The following EBF3 variants were observed in gnomAD, a reference collection of about 807,000 sequenced individuals.
The protein encoded by EBF3 is transcription factor COE3.
EBF3 carries 18 observed loss-of-function variants against 77.1 expected under a neutral mutation model. That is an observed-to-expected ratio of 0.23 (90% CI 0.16 to 0.35). EBF3 has a LOEUF of 0.35. Among genes scored for constraint, EBF3 ranks in the 10% least tolerant of loss-of-function variants. EBF3 has a pLI of 1.00. For missense variants in EBF3, 558 were observed against 860.0 expected (o/e 0.65, Z 4.39); for synonymous variants, 350 against 343.5 (o/e 1.02, Z -0.21).
At chr10:129,901,036 T>C (rs1039986077) in intron 6 of EBF3, among the ~76,000 whole-genome samples, 4 of 152,204 alleles carry the variant, frequency 2.6e-5, no homozygotes, top group African/African-American at 9.7e-5. Context: ...TTCTTTGGGC[T>C]GGTAAGTCTT....
rs1590057365 is a variant in EBF3, at chr10:129,848,564, G to A, written c.1040-84C>T. 5.6e-6 allele frequency: 8 copies of A among 1,417,640 alleles called. No homozygotes were observed. The East Asian group carries it at 1.8e-4, about 32-fold the overall frequency. The allele number at this position is 1,417,640 out of a possible 1,614,324, so 87.8% of individuals were successfully genotyped here. A position where few individuals can be genotyped will look rare whatever the true frequency, so the allele number is the denominator to read the frequency against. ...GTTTATTGCACACTTACAAATAAATGTGTAGTTCTCCTGCTCTGATGCTCT... is the reference window on the plus strand; with the variant it reads ...GTTTATTGCACACTTACAAATAAATATGTAGTTCTCCTGCTCTGATGCTCT... On this transcript the variant is annotated intron_variant, in intron 10 of 16. Coordinates refer to ENST00000440978, the MANE Select transcript of EBF3 (RefSeq NM_001375380.1). The surrounding 1 kb of genome is among the most constrained non-coding windows in gnomAD (Gnocchi z 4.4).
chr10:129,888,229 T>C (rs995389668), intron 6 of EBF3, among the ~76,000 whole-genome samples: 1 of 152,222 alleles, frequency 6.6e-6, no homozygotes, highest in South Asian at 2.1e-4. Flanking sequence ...CTCCGCCTTC[T>C]GGACCTGAAC....
intron 8 of EBF3, among the ~76,000 whole-genome samples, chr10:129,869,625 G>A (rs1852274323): frequency 6.6e-6 from 1 of 152,244 alleles, no homozygotes; most frequent in Admixed American, 6.5e-5. Context: ...TGACAGGTCA[G>A]AGGCAGCGCC....
chr10:129,952,403 TA>T lies in EBF3; in HGVS notation c.554+4854del, dbSNP rs1160852547. On this transcript the variant is annotated intron_variant, in intron 6 of 16. Coordinates refer to ENST00000440978, the MANE Select transcript of EBF3 (RefSeq NM_001375380.1). This position sits in a 1 kb window ranked among gnomAD's most constrained non-coding sequence, Gnocchi z 4.7. ...TCCCTAAATGATGTGTAATTAATAT[TA>T]TTTTTAAAATCCTCCTTGACAGGCC... 2.6e-5 allele frequency among the ~76,000 whole-genome samples: 4 copies of T among 152,254 alleles called. No homozygotes were observed. Among genetic ancestry groups the T allele is most frequent in the African/African-American group, 2.4e-5 (1 of 41,472 alleles).
chr10:129,891,877 T>C (rs1854041185), intron 6 of EBF3, among the ~76,000 whole-genome samples: 1 of 152,136 alleles, frequency 6.6e-6, no homozygotes, highest in Non-Finnish European at 1.5e-5. Flanking sequence ...AGTTCAGAAA[T>C]ATCTAAAAGT....
At chr10:129,902,670 T>A (rs192389618) in intron 6 of EBF3, among the ~76,000 whole-genome samples, 1 of 152,346 alleles carries the variant, frequency 6.6e-6, no homozygotes, top group East Asian at 1.9e-4. Flanking sequence ...GAGCAACAAC[T>A]GTTAGCTTGT....
At chr10:129,840,524 C>A (rs1041095010) in intron 14 of EBF3, 82 bp from the exon 15 acceptor site, 1 of 1,457,322 alleles carries the variant, frequency 6.9e-7, no homozygotes, top group East Asian at 2.5e-5. Context: ...TCGCCTCGGA[C>A]GGGGGGGCAG....
intron 4 of EBF3, among the ~76,000 whole-genome samples, chr10:129,960,666 G>C (rs1859439038): frequency 7.1e-6 from 1 of 141,352 alleles, no homozygotes; most frequent in South Asian, 2.2e-4. Context: ...ATGCCCGTCA[G>C]TGAGAGGAGA....
intron 6 of EBF3, among the ~76,000 whole-genome samples, chr10:129,929,195 T>C (rs956000629): frequency 6.6e-6 from 1 of 152,136 alleles, no homozygotes; most frequent in African/African-American, 2.4e-5. Context: ...TTATTTTTTA[T>C]CTTTATTTTT....
At position 129,841,181 on chromosome 10, in the gene EBF3, G is replaced by T; in HGVS notation, c.1373-149C>A. On this transcript the variant is annotated intron_variant, in intron 13 of 16. Coordinates refer to ENST00000440978, the MANE Select transcript of EBF3 (RefSeq NM_001375380.1). This position sits in a 1 kb window ranked among gnomAD's most constrained non-coding sequence, Gnocchi z 4.6. ...TCTAGCGCCTGCTGCCAGCTCGGAT[G>T]ACCTTATCACGCCAACCCTGCTGCC... is the stretch of plus-strand genomic sequence containing the variant. The T allele has an allele frequency of 9.1e-7, 1 of 1,097,148 alleles. No homozygotes were observed. The highest frequency in any genetic ancestry group is 1.3e-6 in the Non-Finnish European group (1 of 785,506). 68.0% of individuals were successfully genotyped at this position (1,097,148 alleles called of 1,614,324 possible).
intron 10 of EBF3, among the ~76,000 whole-genome samples, chr10:129,862,328 G>A (rs572801870): frequency 2.2e-4 from 34 of 152,186 alleles, no homozygotes; most frequent in African/African-American, 7.7e-4. Context: ...GGCTGGGAGC[G>A]GTCCAGGTAT....
intron 8 of EBF3, among the ~76,000 whole-genome samples, chr10:129,871,900 GAAAC>G (rs762692895): frequency 2.6e-4 from 40 of 152,152 alleles, no homozygotes; most frequent in Admixed American, 1.4e-3. Context: ...TAAATGTCGA[GAAAC>G]AAACAGGAAA....
intron 6 of EBF3, among the ~76,000 whole-genome samples, chr10:129,904,609 CGGAT>C (rs1407435561): frequency 3.4e-5 from 5 of 148,000 alleles, no homozygotes; most frequent in African/African-American, 1.3e-4. Context: ...GATGGATAGA[CGGAT>C]GGCTGGATGG....
chr10:129,941,572 CA>C (rs1229605728), intron 6 of EBF3, among the ~76,000 whole-genome samples: 2 of 151,972 alleles, frequency 1.3e-5, no homozygotes, highest in African/African-American at 2.4e-5. Flanking sequence ...GCCAAAGGGT[CA>C]GGGGGGAGCC....
At chr10:129,913,971 T>C (rs112348832) in intron 6 of EBF3, among the ~76,000 whole-genome samples, 5 of 152,384 alleles carry the variant, frequency 3.3e-5, no homozygotes, top group South Asian at 4.1e-4. Context: ...TGGATGACCA[T>C]GGTCTCTCGT....
chr10:129,963,027 T>C lies in EBF3; in HGVS notation c.292-22A>G. ...GCTCCTGAAAGTAACGATAAATAATTGCATTTAGTGCGATCGGTGTCAGGC... is the reference window on the plus strand; with the variant it reads ...GCTCCTGAAAGTAACGATAAATAATCGCATTTAGTGCGATCGGTGTCAGGC... On this transcript the variant is annotated intron_variant, in intron 2 of 16. Coordinates refer to ENST00000440978, the MANE Select transcript of EBF3 (RefSeq NM_001375380.1). This position sits in a 1 kb window ranked among gnomAD's most constrained non-coding sequence, Gnocchi z 7.1. The C allele has an allele frequency of 2.5e-6, 4 of 1,614,064 alleles. No individual in the cohort carries two copies. The highest frequency in any genetic ancestry group is 3.4e-6 in the Non-Finnish European group (4 of 1,179,950).
chr10:129,932,602 G>A (rs981133012), intron 6 of EBF3, among the ~76,000 whole-genome samples: 3 of 152,248 alleles, frequency 2.0e-5, no homozygotes, highest in Non-Finnish European at 4.4e-5. Context: ...GGGGCACATG[G>A]TGTATGTAGC....
At position 129,842,913 on chromosome 10, in the gene EBF3, C is replaced by G. The variant is rs370250206; in HGVS notation, c.1194+224G>C. Among the ~76,000 whole-genome samples, 1 of 115,120 alleles carries G rather than the reference C, an allele frequency of 8.7e-6. No individual in the cohort carries two copies. Among genetic ancestry groups the G allele is most frequent in the South Asian group, 3.1e-4 (1 of 3,216 alleles). The allele number at this position is 115,120 out of a possible 152,430, so 75.5% of individuals were successfully genotyped here. ...GATGGGTTTCAAGGCTGTGCACTCC[C>G]GCTGTGACAAGTTTTTTCTGCTTTT... On this transcript the variant is annotated intron_variant, in intron 12 of 16. Coordinates refer to ENST00000440978, the MANE Select transcript of EBF3 (RefSeq NM_001375380.1). This position sits in a 1 kb window ranked among gnomAD's most constrained non-coding sequence, Gnocchi z 4.4.
rs564506491 is a variant in EBF3 at position 129,840,103 on chromosome 10, G to A, written c.1759+142C>T. ...GTCCTCGCTGTGAACACCAGGCAGA[G>A]GTGGCACGCATCAAGGTGGGCCACG... On this transcript the variant is annotated intron_variant, in intron 15 of 16. Transcript: ENST00000440978. 14 of 1,053,970 alleles carry A rather than the reference G, an allele frequency of 1.3e-5. No homozygotes were observed. The African/African-American group carries it at 2.1e-4, about 16-fold the overall frequency. The allele number at this position is 1,053,970 out of a possible 1,614,324, so 65.3% of individuals were successfully genotyped here.
Sources: gnomAD v4.1 joint callset for allele counts (sites outside exome capture counted in the v4.1 genomes callset) on GRCh38, gnomAD v4.1.1 for gene constraint, Gnocchi (gnomAD v3.1) non-coding constraint, MANE v1.5 for transcripts, NCBI Gene and HGNC (gene_info 2026-07-23, HGNC 2026-07-21) for gene names.